EML4: variants seen among roughly 807,000 people sequenced by gnomAD.
EML4 encodes EMAP like 4, also known as echinoderm microtubule-associated protein-like 4.
In EML4, 72 loss-of-function variants were observed where a neutral mutation model predicts 129.0. The ratio of observed to expected loss-of-function variants is 0.56; its 90% CI spans 0.46 to 0.68. EML4 has a LOEUF of 0.68. Ranked by LOEUF, EML4 falls within the 30% of genes least tolerant of loss-of-function variation. The pLI, the probability that EML4 is intolerant of heterozygous loss-of-function variation, is 0.00. For synonymous variants in EML4, 532 were observed against 405.0 expected (o/e 1.31, Z -3.77); for missense variants, 1,363 against 1,190.6 (o/e 1.14, Z -2.13).
intron 2 of EML4, among the ~76,000 whole-genome samples, chr2:42,250,008 A>C (rs533752340): frequency 2.0e-5 from 3 of 152,354 alleles, no homozygotes; most frequent in Admixed American, 6.5e-5. Context: ...AAGATGAATT[A>C]TGTCACAGCT....
chr2:42,303,551 G>A lies in EML4; in HGVS notation c.1899+105G>A, dbSNP rs969308685. The A allele has an allele frequency of 6.5e-6, 8 of 1,238,210 alleles. No homozygotes were observed. In the African/African-American group the frequency reaches 1.0e-4, roughly 16 times the overall value. 76.7% of individuals were successfully genotyped at this position (1,238,210 alleles called of 1,614,324 possible). Reference sequence around the variant, plus strand: ...GACTAAGTGTTGATTCAAACCAAATGTAAACATATGGTTTAGTAATAGAGG... The same window carrying A: ...GACTAAGTGTTGATTCAAACCAAATATAAACATATGGTTTAGTAATAGAGG... On this transcript the variant is annotated intron_variant, in intron 16 of 22. Transcript: ENST00000318522.
intron 6 of EML4, among the ~76,000 whole-genome samples, chr2:42,277,229 G>A (rs758311119): frequency 3.3e-5 from 5 of 152,166 alleles, no homozygotes; most frequent in Non-Finnish European, 5.9e-5. Flanking sequence ...TCTGCCTTCA[G>A]AAAGTTTGTA....
At position 42,329,913 on chromosome 2, in the gene EML4, C is replaced by G. The variant is rs1313242076; in HGVS notation, c.2652C>G (p.Ala884=). 26 of 1,613,852 alleles carry G rather than the reference C, an allele frequency of 1.6e-5. No homozygotes were observed. Among genetic ancestry groups the G allele is most frequent in the Non-Finnish European group, 2.2e-5 (26 of 1,180,012 alleles). Residue 884 remains alanine, a synonymous_variant, in exon 23 of 23, where the codon GCC becomes GCG. Coordinates refer to ENST00000318522, the MANE Select transcript of EML4 (RefSeq NM_019063.5). ...ETVADTTLTK[A]PVSSTESVIQ... is the part of the protein sequence containing the mutation. Reference sequence around the variant, plus strand: ...TAGCGGATACTACTCTAACCAAAGCCCCCGTCTCTTCCACTGAAAGTGTCA... The same window carrying G: ...TAGCGGATACTACTCTAACCAAAGCGCCCGTCTCTTCCACTGAAAGTGTCA...
At chr2:42,253,942 G>T (rs1675956760) in intron 2 of EML4, among the ~76,000 whole-genome samples, 1 of 152,150 alleles carries the variant, frequency 6.6e-6, no homozygotes, top group Non-Finnish European at 1.5e-5. Context: ...TAAAAATCTT[G>T]TTCTTTCAAA....
intron 1 of EML4, among the ~76,000 whole-genome samples, chr2:42,242,020 C>T (rs1318023557): frequency 1.3e-5 from 2 of 152,128 alleles, no homozygotes; most frequent in African/African-American, 2.4e-5. Flanking sequence ...ACAAGCTGAA[C>T]CACCTTTCTT....
chr2:42,263,323 C>A lies in EML4; in HGVS notation c.641+17C>A, dbSNP rs1226899280. The A allele has an allele frequency of 1.3e-6, 2 of 1,524,068 alleles. No homozygotes were observed. The highest frequency in any genetic ancestry group is 1.1e-5 in the South Asian group (1 of 87,464). The allele number at this position is 1,524,068 out of a possible 1,614,324, so 94.4% of individuals were successfully genotyped here. A position where few individuals can be genotyped will look rare whatever the true frequency, so the allele number is the denominator to read the frequency against. On this transcript the variant is annotated intron_variant, in intron 5 of 22. Coordinates refer to ENST00000318522, the MANE Select transcript of EML4 (RefSeq NM_019063.5). ...TGCAGACAAGTAAGTATTGCACTTT[C>A]TTCATTATATCTGAAAAGTAATAAT...
chr2:42,275,935 C>T (rs887123941), intron 6 of EML4, among the ~76,000 whole-genome samples: 2 of 152,004 alleles, frequency 1.3e-5, no homozygotes, highest in African/African-American at 4.8e-5. Flanking sequence ...GTCCCATCGC[C>T]CATCCCTTAT....
chr2:42,191,278 C>G (rs1399529975), intron 1 of EML4, among the ~76,000 whole-genome samples: 1 of 152,062 alleles, frequency 6.6e-6, no homozygotes. Context: ...ATCATTAGAA[C>G]TCTGTCTCTT....
chr2:42,264,362 C>T (rs1002800293), intron 5 of EML4, among the ~76,000 whole-genome samples: 2 of 152,108 alleles, frequency 1.3e-5, no homozygotes, highest in African/African-American at 4.8e-5. Context: ...AAACAATTCA[C>T]CTGCTTCAGC....
chr2:42,286,203 C>A (rs777177720), intron 9 of EML4, 66 bp from the exon 10 acceptor site: 2 of 888,290 alleles, frequency 2.3e-6, no homozygotes, highest in Admixed American at 1.7e-5. Context: ...GGCATTAGTT[C>A]TGTGTGCTAT....
intron 19 of EML4, among the ~76,000 whole-genome samples, chr2:42,320,781 T>C (rs1361521885): frequency 6.6e-6 from 1 of 152,152 alleles, no homozygotes; most frequent in African/African-American, 2.4e-5. Context: ...GCTTTCTGCT[T>C]GACTCAAATT....
intron 2 of EML4, among the ~76,000 whole-genome samples, chr2:42,245,997 C>A (rs532827790): frequency 5.3e-5 from 8 of 152,236 alleles, no homozygotes; most frequent in African/African-American, 1.9e-4. Context: ...TTGTGTCTCT[C>A]ATTTCATATT....
In EML4 at chr2:42,298,737, G is replaced by GT. The variant is rs779321032; in HGVS notation, c.1490-2503dup. On this transcript the variant is annotated intron_variant, in intron 13 of 22. Transcript: ENST00000318522. The stretch of plus-strand genomic sequence containing the variant: ...TTCCATCATTCTGGGAGGATTTTAA[G>GT]TGTTTAACAAGGTTTTTGTCATGTT... 1.1e-3 allele frequency among the ~76,000 whole-genome samples: 165 copies of GT among 152,008 alleles called. 1 individual carries two copies. Among genetic ancestry groups the GT allele is most frequent in the South Asian group, 6.7e-3 (32 of 4,810 alleles).
chr2:42,272,055 A>G (rs1245245687), intron 6 of EML4, among the ~76,000 whole-genome samples: 2 of 147,346 alleles, frequency 1.4e-5, no homozygotes, highest in Admixed American at 1.4e-4. Flanking sequence ...GTGAGCTGAG[A>G]TCGCACCACT....
chr2:42,171,452 G>A (rs1434790652), intron 1 of EML4, among the ~76,000 whole-genome samples: 1 of 152,156 alleles, frequency 6.6e-6, no homozygotes, highest in Non-Finnish European at 1.5e-5. Context: ...GGCACTTAAT[G>A]TTTATTTTCA....
intron 1 of EML4, among the ~76,000 whole-genome samples, chr2:42,209,245 G>T (rs150275773): frequency 2.6e-5 from 4 of 151,932 alleles, no homozygotes; most frequent in African/African-American, 4.8e-5. Context: ...AACTTTTCTG[G>T]TTTTTTTCCT....
intron 3 of EML4, among the ~76,000 whole-genome samples, chr2:42,257,778 A>G (rs1038823108): frequency 2.0e-5 from 3 of 151,390 alleles, no homozygotes; most frequent in Non-Finnish European, 4.4e-5. Context: ...GGGAGCTTGC[A>G]GTGAGCCACG....
At chr2:42,328,581 G>A (rs535966450) in intron 21 of EML4, among the ~76,000 whole-genome samples, 95 of 152,326 alleles carry the variant, frequency 6.2e-4, no homozygotes, top group African/African-American at 2.2e-3. Flanking sequence ...TTGCTGAGGT[G>A]TAAGTCAAGC....
intron 16 of EML4, among the ~76,000 whole-genome samples, chr2:42,303,988 G>A (rs1399673147): frequency 6.6e-6 from 1 of 152,174 alleles, no homozygotes; most frequent in Non-Finnish European, 1.5e-5. Flanking sequence ...ATCAGCTTCA[G>A]TAGTAAAATC....
Sources: gnomAD v4.1 joint callset for allele counts (sites outside exome capture counted in the v4.1 genomes callset) on GRCh38, gnomAD v4.1.1 for gene constraint, MANE v1.5 for transcripts, NCBI Gene and HGNC (gene_info 2026-07-23, HGNC 2026-07-21) for gene names.